Variants in PNPLA7 observed in about 807,000 individuals in gnomAD.
PNPLA7 encodes the protein patatin-like phospholipase domain-containing protein 7.
PNPLA7 carries 153 observed loss-of-function variants against 161.7 expected under a neutral mutation model. The observed-to-expected ratio is 0.95, with a 90% CI of 0.83 to 1.08. The LOEUF (loss-of-function observed/expected upper bound fraction) is 1.08. PNPLA7 is among the 50% of genes least tolerant of loss of function. The pLI is 0.00. For synonymous variants in PNPLA7, 809 were observed against 782.1 expected (o/e 1.03, Z -0.57); for missense variants, 1,739 against 1,856.6 (o/e 0.94, Z 1.16).
chr9:137,535,017 A>C (rs1835811048), intron 8 of PNPLA7, among the ~76,000 whole-genome samples: 1 of 152,244 alleles, frequency 6.6e-6, no homozygotes, highest in African/African-American at 2.4e-5. Flanking sequence ...TTGGAACACT[A>C]GATGGCCACA....
At chr9:137,504,085 GGAA>G (rs770743561) in intron 14 of PNPLA7, among the ~76,000 whole-genome samples, 14 of 92,236 alleles carry the variant, frequency 1.5e-4, no homozygotes, top group East Asian at 6.1e-4. Context: ...AGAAGAAGAA[GGAA>G]GAAGAAGGAA....
At chr9:137,526,099 A>G (rs1296951011) in intron 8 of PNPLA7, among the ~76,000 whole-genome samples, 4 of 152,074 alleles carry the variant, frequency 2.6e-5, no homozygotes, top group African/African-American at 9.7e-5. Flanking sequence ...TAGTTCCAGT[A>G]TAACTATTCT....
chr9:137,481,281 G>A (rs1832206126), intron 21 of PNPLA7, among the ~76,000 whole-genome samples: 2 of 152,202 alleles, frequency 1.3e-5, no homozygotes, highest in Admixed American at 6.5e-5. Context: ...CCTGAAGGAG[G>A]CCTCGGGTAG....
intron 25 of PNPLA7, among the ~76,000 whole-genome samples, chr9:137,472,775 T>C (rs1381043744): frequency 6.6e-6 from 1 of 150,882 alleles, no homozygotes; most frequent in Non-Finnish European, 1.5e-5. Context: ...ACCAACATGG[T>C]GAAACCCGGT....
rs1055779465 is a variant in PNPLA7 at position 137,550,047 on chromosome 9, G to GGC, written c.30+119_30+120dup. On this transcript the variant is annotated intron_variant, in intron 1 of 34. Transcript: ENST00000406427. ...AGATCCACCACTCCCACAGTCCTCA[G>GGC]GCGCCAAGAAGCCACGGGGCCAAAG... is the stretch of plus-strand genomic sequence containing the variant. 3.1e-5 allele frequency: 38 copies of GGC among 1,225,744 alleles called. No homozygotes were observed. In the African/African-American group the frequency reaches 5.2e-4, roughly 17 times the overall value. The allele number at this position is 1,225,744 out of a possible 1,614,324, so 75.9% of individuals were successfully genotyped here.
At chr9:137,501,865 C>T (rs543975889) in intron 14 of PNPLA7, 138 bp from the exon 15 acceptor site, 6 of 847,024 alleles carry the variant, frequency 7.1e-6, no homozygotes, top group Admixed American at 2.5e-5. Flanking sequence ...CGAGGCTGTC[C>T]TCCAACAAGG....
At chr9:137,529,007 T>C (rs985241928) in intron 8 of PNPLA7, among the ~76,000 whole-genome samples, 2 of 152,142 alleles carry the variant, frequency 1.3e-5, no homozygotes, top group African/African-American at 4.8e-5. Context: ...GCCTTTTTTA[T>C]TTTTTGAGAA....
At chr9:137,483,276 G>A (rs758035849) in intron 21 of PNPLA7, among the ~76,000 whole-genome samples, 7 of 152,142 alleles carry the variant, frequency 4.6e-5, no homozygotes, top group African/African-American at 7.2e-5. Context: ...ACGCGGGACA[G>A]CTCCACCGTA....
In PNPLA7 at chr9:137,540,546, C is replaced by A; in HGVS notation, c.747+96G>T. Reference sequence around the variant, plus strand: ...CCCTCACATCACTGTGGAGAACTGGCCTTTAACCACTACCAGCTGTCCAGA... The same window carrying A: ...CCCTCACATCACTGTGGAGAACTGGACTTTAACCACTACCAGCTGTCCAGA... On this transcript the variant is annotated intron_variant, in intron 8 of 34. Transcript: ENST00000406427. The surrounding 1 kb of genome is among the most constrained non-coding windows in gnomAD (Gnocchi z 5.1). 1 of 1,119,708 alleles carries A rather than the reference C, an allele frequency of 8.9e-7. No individual in the cohort carries two copies. 69.4% of individuals were successfully genotyped at this position (1,119,708 alleles called of 1,614,324 possible).
chr9:137,524,925 G>C lies in PNPLA7; in HGVS notation c.748-2068C>G, dbSNP rs1172515189. Among the ~76,000 whole-genome samples, 3 of 152,226 alleles carry C rather than the reference G, an allele frequency of 2.0e-5. No individual in the cohort carries two copies. In the South Asian group the frequency reaches 6.2e-4, roughly 31 times the overall value. On this transcript the variant is annotated intron_variant, in intron 8 of 34. Coordinates refer to ENST00000406427, the MANE Select transcript of PNPLA7 (RefSeq NM_001098537.3). The surrounding 1 kb of genome is among the most constrained non-coding windows in gnomAD (Gnocchi z 4.4). ...TGGTGCCACCATGTCGCATAATAAA[G>C]AATTTAGCTGGTCTTGTCTTCAGTT...
At chr9:137,501,626 G>GC (rs137943045) in intron 15 of PNPLA7, 24 bp downstream of exon 15, 15,665 of 1,553,538 alleles carry the variant, frequency 0.01, 102 homozygotes, top group East Asian at 0.045. Context: ...TGGTCCCAGT[G>GC]CCCCCCCCCA....
rs747765291 is a variant in PNPLA7, at chr9:137,495,118, G to C, written c.2042C>G (p.Ala681Gly). The part of the protein sequence containing the change: ...VVETLTHQAR[A>G]TTVHAVRDSE... ...GTCCCGAACGGCATGCACCGTGGTC[G>C]CCCGGGCCTGGTGGGTCAGTGTCTC... Residue 681 changes from alanine (A) to glycine (G), a missense_variant, in exon 19 of 35, where the codon GCG becomes GGG. By Grantham distance (60) the Ala-to-Gly change is moderately conservative (BLOSUM62 0). Transcript: ENST00000406427. The C allele has an allele frequency of 1.2e-6, 2 of 1,605,766 alleles. No individual in the cohort carries two copies. The highest frequency in any genetic ancestry group is 2.2e-5 in the South Asian group (2 of 90,990).
intron 4 of PNPLA7, among the ~76,000 whole-genome samples, chr9:137,545,110 G>T (rs1401191419): frequency 6.6e-6 from 1 of 152,258 alleles, no homozygotes; most frequent in Non-Finnish European, 1.5e-5. Context: ...GCGGCCAGGG[G>T]AGGCCTCCGA....
At chr9:137,491,910 G>A in intron 20 of PNPLA7, 1 of 985,488 alleles carries the variant, frequency 1.0e-6, no homozygotes, top group Non-Finnish European at 1.2e-6. Flanking sequence ...GTGCTGGGCG[G>A]ATGGGGAGGC....
At chr9:137,545,240 C>G (rs1175603299) in intron 4 of PNPLA7, among the ~76,000 whole-genome samples, 4 of 152,216 alleles carry the variant, frequency 2.6e-5, no homozygotes, top group Non-Finnish European at 5.9e-5. Context: ...GGTTCCGGAA[C>G]CACCCAGACA....
rs892672082 is a variant in PNPLA7 at position 137,516,386 on chromosome 9, C to CAG, written c.1085-869_1085-868dup. 5.7e-5 allele frequency: 56 copies of CAG among 985,068 alleles called. No homozygotes were observed. In the African/African-American group the frequency reaches 9.6e-4, roughly 17 times the overall value. The allele number at this position is 985,068 out of a possible 1,614,324, so 61.0% of individuals were successfully genotyped here. ...CCTGCCTGGACACTGTCCTTACCTA[C>CAG]AGAGGCCCATGAGCACCCCCGGCCC... On this transcript the variant is annotated intron_variant, in intron 11 of 34. Transcript: ENST00000406427.
chr9:137,518,712 TC>T (rs1165917726), intron 11 of PNPLA7, among the ~76,000 whole-genome samples: 2 of 73,968 alleles, frequency 2.7e-5, no homozygotes, highest in African/African-American at 6.2e-5. Context: ...GCTCACTCCA[TC>T]CCCCACTCAC....
intron 20 of PNPLA7, among the ~76,000 whole-genome samples, chr9:137,492,736 G>A (rs1330942308): frequency 1.4e-5 from 2 of 147,658 alleles, no homozygotes; most frequent in Non-Finnish European, 3.0e-5. Context: ...AACAGAGCAG[G>A]GCTATGGGCT....
At chr9:137,506,543 G>A (rs1469723815) in intron 12 of PNPLA7, among the ~76,000 whole-genome samples, 1 of 152,146 alleles carries the variant, frequency 6.6e-6, no homozygotes, top group Non-Finnish European at 1.5e-5. Flanking sequence ...CCGTCACGCT[G>A]GTGCTTTGGG....
Sources: allele counts gnomAD v4.1 joint callset (sites outside exome capture counted in the v4.1 genomes callset), GRCh38; gene constraint gnomAD v4.1.1; non-coding constraint Gnocchi (gnomAD v3.1); transcripts MANE v1.5; gene names NCBI Gene and HGNC (gene_info 2026-07-23, HGNC 2026-07-21).